The following MAGI1 variants were observed in gnomAD, a reference collection of about 807,000 sequenced individuals.
MAGI1 encodes membrane associated guanylate kinase, WW and PDZ domain containing 1, also known as membrane-associated guanylate kinase, WW and PDZ domain-containing protein 1.
A neutral mutation model predicts 139.9 loss-of-function variants in MAGI1; 58 were observed. That is an observed-to-expected ratio of 0.41 (90% CI 0.34 to 0.52). The LOEUF is 0.52. MAGI1 is among the 20% of genes least tolerant of loss of function. MAGI1 has a pLI of 0.12. For synonymous variants in MAGI1, 812 were observed against 737.9 expected (o/e 1.10, Z -1.63); for missense variants, 1,874 against 1,901.6 (o/e 0.99, Z 0.27).
chr3:65,497,438 A>AT (rs1952537457), intron 2 of MAGI1, among the ~76,000 whole-genome samples: 1 of 152,208 alleles, frequency 6.6e-6, no homozygotes, highest in African/African-American at 2.4e-5. Flanking sequence ...AACAGTCTAC[A>AT]TCACACTGGG....
At chr3:65,978,342 A>G (rs1022972013) in intron 1 of MAGI1, among the ~76,000 whole-genome samples, 24 of 152,314 alleles carry the variant, frequency 1.6e-4, no homozygotes, top group African/African-American at 5.5e-4. Context: ...TCTAGAATCC[A>G]CACTGATAAG....
chr3:65,529,135 A>G (rs560222266), intron 2 of MAGI1, among the ~76,000 whole-genome samples: 1,705 of 152,234 alleles, frequency 0.011, 30 homozygotes, highest in African/African-American at 0.039. Flanking sequence ...TTAAAATAAA[A>G]AAAAAAAGGC....
chr3:65,702,309 G>C (rs899576663), intron 1 of MAGI1, among the ~76,000 whole-genome samples: 1 of 152,120 alleles, frequency 6.6e-6, no homozygotes, highest in Non-Finnish European at 1.5e-5. Flanking sequence ...ACCACCTCTT[G>C]GATGTAGTCA....
chr3:65,959,333 T>A (rs765711181), intron 1 of MAGI1, among the ~76,000 whole-genome samples: 18 of 152,324 alleles, frequency 1.2e-4, no homozygotes, highest in Non-Finnish European at 4.4e-5. Flanking sequence ...GTTGTCTTTA[T>A]CCTCTTAGCT....
At chr3:65,574,019 C>T (rs1330685819) in intron 2 of MAGI1, among the ~76,000 whole-genome samples, 1 of 151,864 alleles carries the variant, frequency 6.6e-6, no homozygotes, top group Non-Finnish European at 1.5e-5. Context: ...AGAAAGTTTG[C>T]TGACCCCTGA....
At chr3:65,925,078 G>A (rs571068367) in intron 1 of MAGI1, 3 of 152,214 alleles carry the variant, frequency 2.0e-5, no homozygotes, top group Admixed American at 2.0e-4. Flanking sequence ...AGCTCACCAT[G>A]GGATACACTG....
intron 5 of MAGI1, among the ~76,000 whole-genome samples, chr3:65,461,667 T>C (rs978027678): frequency 6.6e-6 from 1 of 151,754 alleles, no homozygotes; most frequent in Non-Finnish European, 1.5e-5. Flanking sequence ...TTTCTGTATT[T>C]TTAGTACAGA....
intron 1 of MAGI1, among the ~76,000 whole-genome samples, chr3:65,878,665 A>C (rs1009347226): frequency 6.6e-6 from 1 of 152,224 alleles, no homozygotes; most frequent in Non-Finnish European, 1.5e-5. Flanking sequence ...AAAGCACACC[A>C]GTGACAAAAT....
chr3:65,938,526 C>T (rs907939855), intron 1 of MAGI1, among the ~76,000 whole-genome samples: 35 of 152,008 alleles, frequency 2.3e-4, no homozygotes, highest in Middle Eastern at 3.4e-3. Context: ...CTTATAAGGA[C>T]ATTGTTAAAA....
In MAGI1 at chr3:65,829,705, T is replaced by C. The variant is rs1266180196; in HGVS notation, c.314-207617A>G. Among the ~76,000 whole-genome samples the C allele has an allele frequency of 2.6e-5, 4 of 152,184 alleles. No homozygotes were observed. In the East Asian group the frequency reaches 5.8e-4, roughly 22 times the overall value. On this transcript the variant is annotated intron_variant, in intron 1 of 22. Transcript: ENST00000402939. Reference sequence around the variant, plus strand: ...AGCATGAGAGTTGTACAAAACCCCATTTGCAACATCTGCAATGCCAAAGAC... The same window carrying C: ...AGCATGAGAGTTGTACAAAACCCCACTTGCAACATCTGCAATGCCAAAGAC...
At chr3:65,551,172 C>A (rs183727374) in intron 2 of MAGI1, among the ~76,000 whole-genome samples, 1 of 152,292 alleles carries the variant, frequency 6.6e-6, no homozygotes, top group African/African-American at 2.4e-5. Flanking sequence ...ATAAGGGGCT[C>A]TTCTCCCTTC....
At chr3:65,730,208 T>C (rs1465331989) in intron 1 of MAGI1, among the ~76,000 whole-genome samples, 1 of 113,168 alleles carries the variant, frequency 8.8e-6, no homozygotes, top group South Asian at 2.3e-4. Flanking sequence ...ATCTTTGCAT[T>C]AAGAGTAGCT....
intron 1 of MAGI1, among the ~76,000 whole-genome samples, chr3:65,780,494 G>C (rs537110363): frequency 6.6e-6 from 1 of 152,316 alleles, no homozygotes; most frequent in African/African-American, 2.4e-5. Flanking sequence ...AAACTATTGA[G>C]AGAAGAGCCC....
chr3:65,811,959 TGAGA>T (rs1190401731), intron 1 of MAGI1, among the ~76,000 whole-genome samples: 1 of 143,444 alleles, frequency 7.0e-6, no homozygotes, highest in African/African-American at 2.5e-5. Flanking sequence ...TGTGTGTGTG[TGAGA>T]GAGAGAGCGT....
chr3:65,550,800 A>G (rs2079788340), intron 2 of MAGI1, among the ~76,000 whole-genome samples: 2 of 78,502 alleles, frequency 2.5e-5, no homozygotes, highest in Admixed American at 3.4e-4. Context: ...CCCCATGTCC[A>G]CAAAAAAAAA....
chr3:65,978,621 C>T (rs112761181), intron 1 of MAGI1, among the ~76,000 whole-genome samples: 1,942 of 129,142 alleles, frequency 0.015, 37 homozygotes, highest in African/African-American at 0.04. Context: ...CTCAAAATTT[C>T]TTTTTTTTTT....
intron 1 of MAGI1, among the ~76,000 whole-genome samples, chr3:65,799,608 C>CTA (rs1344345963): frequency 6.6e-6 from 1 of 152,108 alleles, no homozygotes; most frequent in East Asian, 1.9e-4. Context: ...GCAAAGTATA[C>CTA]TATAGAATTT....
intron 1 of MAGI1, among the ~76,000 whole-genome samples, chr3:65,788,647 A>AC (rs2039555773): frequency 6.6e-6 from 1 of 152,170 alleles, no homozygotes; most frequent in Non-Finnish European, 1.5e-5. Flanking sequence ...ACTCTAAATT[A>AC]CTTCCAGTTT....
intron 2 of MAGI1, among the ~76,000 whole-genome samples, chr3:65,501,453 C>CAAAAAAAAAAAA (rs35967662): frequency 1.2e-5 from 1 of 80,646 alleles, no homozygotes; most frequent in Non-Finnish European, 2.2e-5. Flanking sequence ...GACTCTGTCT[C>CAAAAAAAAAAAA]AAAAAAAAAA....
Sources: allele counts gnomAD v4.1 joint callset (sites outside exome capture counted in the v4.1 genomes callset), GRCh38; gene constraint gnomAD v4.1.1; transcripts MANE v1.5; gene names NCBI Gene and HGNC (gene_info 2026-07-23, HGNC 2026-07-21).